Variants in URB2 observed in about 807,000 individuals in gnomAD.
URB2 encodes the protein URB2 ribosome biogenesis homolog, also known as unhealthy ribosome biogenesis protein 2 homolog.
Under a neutral mutation model 120.9 loss-of-function variants are expected in URB2, and 86 were observed. The observed-to-expected ratio is 0.71, with a 90% confidence interval of 0.60 to 0.85. The LOEUF is 0.85. Ranked by LOEUF, URB2 falls within the 40% of genes least tolerant of loss-of-function variation. URB2 has a pLI of 0.00. For synonymous variants in URB2, 755 were observed against 758.4 expected (o/e 1.00, Z 0.07); for missense variants, 1,765 against 1,836.5 (o/e 0.96, Z 0.71).
rs769561111 is a variant in URB2 at position 229,647,630 on chromosome 1, G to A, written c.4027G>A (p.Val1343Ile). Residue 1343 changes from valine (V) to isoleucine (I), a missense_variant, in exon 7 of 10, where the codon GTC (valine) becomes ATC (isoleucine). Transcript: ENST00000258243. ...GGAGGCCATCGGCAACCCCCACCAC[G>A]TCAGCCTGGCCTTCAGCATCCTTCT... The part of the protein sequence containing the change: ...GEEAIGNPHH[V>I]SLAFSILLTV... 23 of 1,614,124 alleles carry A rather than the reference G, an allele frequency of 1.4e-5. No homozygotes were observed. Among genetic ancestry groups the A allele is most frequent in the East Asian group, 4.5e-5 (2 of 44,874 alleles).
intron 2 of URB2, 117 bp downstream of exon 2, chr1:229,627,876 CTT>C (rs1665551818): frequency 1.0e-5 from 13 of 1,268,300 alleles, no homozygotes; most frequent in Non-Finnish European, 1.4e-5. Flanking sequence ...GGGGAGGGAA[CTT>C]TGTTGGAAGT....
intron 9 of URB2, among the ~76,000 whole-genome samples, chr1:229,658,122 C>T (rs1216242113): frequency 6.6e-6 from 1 of 152,148 alleles, no homozygotes; most frequent in African/African-American, 2.4e-5. Context: ...TTATATTGTG[C>T]AGCCATCACC....
rs768547537 is a variant in URB2, at chr1:229,659,645, TA to T, written c.*352del. On this transcript the variant is annotated 3_prime_UTR_variant, in exon 10 of 10. Coordinates refer to ENST00000258243, the MANE Select transcript of URB2 (RefSeq NM_014777.4). The stretch of plus-strand genomic sequence containing the variant: ...TCCCTCGTCTGCACTGGAAACTACA[TA>T]AAACTTGGCTTTTTACTTTGGGTAC... 4.4e-5 allele frequency: 8 copies of T among 180,956 alleles called. No homozygotes were observed. Among genetic ancestry groups the T allele is most frequent in the Non-Finnish European group, 8.1e-5 (7 of 86,300 alleles). The allele number at this position is 180,956 out of a possible 1,614,324, so 11.2% of individuals were successfully genotyped here. A position where few individuals can be genotyped will look rare whatever the true frequency, so the allele number is the denominator to read the frequency against.
In URB2 at chr1:229,635,498, T is replaced by C. The variant is rs143722858; in HGVS notation, c.885T>C (p.Leu295=). The change falls in exon 4 of 10, where the codon CTT becomes CTC. Residue 295 remains leucine (L), a synonymous_variant. Coordinates refer to ENST00000258243, the MANE Select transcript of URB2 (RefSeq NM_014777.4). Reference sequence around the variant, plus strand: ...ATGCTGGCTACTGTGCAGCATCCCTTCATACCTCTGTTGTGGCCAACTCAG... The same window carrying C: ...ATGCTGGCTACTGTGCAGCATCCCTCCATACCTCTGTTGTGGCCAACTCAG... ...LVDAGYCAAS[L]HTSVVANSVA... is the part of the protein sequence containing the mutation. The C allele has an allele frequency of 1.1e-5, 17 of 1,613,902 alleles. No individual in the cohort carries two copies. In the African/African-American group the frequency reaches 2.0e-4, roughly 19 times the overall value.
In URB2 at chr1:229,627,701, T is replaced by C; in HGVS notation, c.68T>C (p.Leu23Pro). 2 of 1,613,522 alleles carry C rather than the reference T, an allele frequency of 1.2e-6. No individual in the cohort carries two copies. Among genetic ancestry groups the C allele is most frequent in the Non-Finnish European group, 1.7e-6 (2 of 1,179,674 alleles). Residue 23 changes from leucine to proline, a missense_variant, in exon 2 of 10, where the codon CTA (leucine) becomes CCA (proline). Coordinates refer to ENST00000258243, the MANE Select transcript of URB2 (RefSeq NM_014777.4). ...AAGACAACTTCCTGGGAAGATAAAC[T>C]AAAACTAGCTCACTTTGCTTGGATT... ...KSKTTSWEDK[L>P]KLAHFAWISH...
Position 229,647,638 on chromosome 1 carries a change from G to A in URB2, c.4035G>A (p.Leu1345=). Residue 1345 remains leucine (L), a synonymous_variant, in exon 7 of 10, where the codon CTG becomes CTA. Transcript: ENST00000258243. The stretch of plus-strand genomic sequence containing the variant: ...TCGGCAACCCCCACCACGTCAGCCT[G>A]GCCTTCAGCATCCTTCTCACTGTCC... ...EAIGNPHHVS[L]AFSILLTVPL... The A allele has an allele frequency of 6.2e-7, 1 of 1,614,152 alleles. No homozygotes were observed. The highest frequency in any genetic ancestry group is 8.5e-7 in the Non-Finnish European group (1 of 1,180,032).
intron 8 of URB2, 126 bp from the exon 9 acceptor site, chr1:229,654,123 A>G: frequency 4.3e-6 from 6 of 1,391,876 alleles, no homozygotes. Flanking sequence ...AAATAAGCCA[A>G]TTAAAGAGTC....
chr1:229,637,614 A>T lies in URB2; in HGVS notation c.3001A>T (p.Ile1001Leu). Residue 1001 changes from isoleucine to leucine, a missense_variant, in exon 4 of 10, where the codon ATA becomes TTA. By Grantham distance (5) the Ile-to-Leu change is conservative (BLOSUM62 2). Coordinates refer to ENST00000258243, the MANE Select transcript of URB2 (RefSeq NM_014777.4). ...CGCTTGGCTGGAATTCCTCCAAGTGATAGGGACGTTCTTAGAGGAGCTAAT... is the reference window on the plus strand; with the variant it reads ...CGCTTGGCTGGAATTCCTCCAAGTGTTAGGGACGTTCTTAGAGGAGCTAAT... ...DPAWLEFLQVIGTFLEELMQM... is the reference protein window; with the variant it reads ...DPAWLEFLQVLGTFLEELMQM... 7 of 1,614,158 alleles carry T rather than the reference A, an allele frequency of 4.3e-6. No individual in the cohort carries two copies. The highest frequency in any genetic ancestry group is 5.1e-6 in the Non-Finnish European group (6 of 1,180,004).
At chr1:229,631,669 G>C (rs1233367854) in intron 2 of URB2, among the ~76,000 whole-genome samples, 6 of 152,212 alleles carry the variant, frequency 3.9e-5, no homozygotes, top group Non-Finnish European at 8.8e-5. Flanking sequence ...TAGCATTTTG[G>C]TGGAGCAGTC....
At chr1:229,647,430 A>G in intron 6 of URB2, 80 bp from the exon 7 acceptor site, 2 of 1,511,310 alleles carry the variant, frequency 1.3e-6, no homozygotes, top group Non-Finnish European at 1.8e-6. Flanking sequence ...TTTCTACCTC[A>G]GTCACTCAGA....
chr1:229,631,996 C>T (rs961471222), intron 2 of URB2, among the ~76,000 whole-genome samples: 4 of 152,138 alleles, frequency 2.6e-5, no homozygotes, highest in Admixed American at 6.6e-5. Flanking sequence ...CCTCAAAAAA[C>T]GGGTTAAGAC....
chr1:229,626,792 A>G (rs946045358), intron 1 of URB2, among the ~76,000 whole-genome samples: 1 of 152,202 alleles, frequency 6.6e-6, no homozygotes, highest in Non-Finnish European at 1.5e-5. Flanking sequence ...TGGCGGTTCT[A>G]TGGTATTGAA....
At position 229,635,213 on chromosome 1, in the gene URB2, C is replaced by G. The variant is rs769482838; in HGVS notation, c.600C>G (p.His200Gln). The change falls in exon 4 of 10, where the codon CAC (histidine) becomes CAG (glutamine). Residue 200 changes from histidine (H) to glutamine (Q), a missense_variant. By Grantham distance (24) the His-to-Gln change is conservative (BLOSUM62 0). Coordinates refer to ENST00000258243, the MANE Select transcript of URB2 (RefSeq NM_014777.4). ...GTGCCTTTGGGGATGTGACTGCTCA[C>G]CTGCTCCAGCCGTGCCTGGTCCTGA... ...PRRAFGDVTA[H>Q]LLQPCLVLRH... The G allele has an allele frequency of 1.5e-5, 25 of 1,614,150 alleles. No homozygotes were observed. Among genetic ancestry groups the G allele is most frequent in the Non-Finnish European group, 5.1e-6 (6 of 1,180,066 alleles).
At chr1:229,652,020 A>G (rs1398008603) in intron 8 of URB2, among the ~76,000 whole-genome samples, 1 of 152,054 alleles carries the variant, frequency 6.6e-6, no homozygotes. Flanking sequence ...TGTCTCTACT[A>G]AAAATACAAA....
intron 4 of URB2, among the ~76,000 whole-genome samples, chr1:229,643,076 T>A (rs903892801): frequency 6.6e-6 from 1 of 152,198 alleles, no homozygotes; most frequent in Non-Finnish European, 1.5e-5. Context: ...ATTCATTAAG[T>A]GAAGTAGGTT....
rs896207550 is a variant in URB2, at chr1:229,637,180, T to C, written c.2567T>C (p.Phe856Ser). The change falls in exon 4 of 10, where the codon TTT (phenylalanine) becomes TCT (serine). Residue 856 changes from phenylalanine to serine, a missense_variant. Coordinates refer to ENST00000258243, the MANE Select transcript of URB2 (RefSeq NM_014777.4). ...GTTGTGGGTCATTGGGAAAACAGATTTGCAAAAGCTGGACCCGAAGGTATA... is the reference window on the plus strand; with the variant it reads ...GTTGTGGGTCATTGGGAAAACAGATCTGCAAAAGCTGGACCCGAAGGTATA... ...HMVVGHWENR[F>S]AKAGPEGIEP... The C allele has an allele frequency of 3.7e-6, 6 of 1,613,852 alleles. No individual in the cohort carries two copies. The highest frequency in any genetic ancestry group is 1.1e-5 in the South Asian group (1 of 91,052).
In URB2 at chr1:229,634,971, T is replaced by A. The variant is rs1488643805; in HGVS notation, c.358T>A (p.Cys120Ser). Residue 120 changes from cysteine (C) to serine (S), a missense_variant, in exon 4 of 10, where the codon TGT becomes AGT. Transcript: ENST00000258243. ...TCTTTCGGGATCCCAAAGAAACATCTGTGCTGTCCTTCGATGTTGCCAGGG... is the reference window on the plus strand; with the variant it reads ...TCTTTCGGGATCCCAAAGAAACATCAGTGCTGTCCTTCGATGTTGCCAGGG... ...FSLSGSQRNI[C>S]AVLRCCQGIL... The A allele has an allele frequency of 1.3e-6, 2 of 1,576,722 alleles. No homozygotes were observed. The highest frequency in any genetic ancestry group is 1.7e-6 in the Non-Finnish European group (2 of 1,160,366).
At position 229,647,732 on chromosome 1, in the gene URB2, A is replaced by G; in HGVS notation, c.4129A>G (p.Ile1377Val). ...FPRLHNVLFS[I>V]LQCHPKVMLK... ...GAGGCTGCACAACGTGCTCTTCTCA[A>G]TCCTGCAGTGTCACCCTAAGGTGAG... is the stretch of plus-strand genomic sequence containing the variant. The change falls in exon 7 of 10, where the codon ATC (isoleucine) becomes GTC (valine). Residue 1377 changes from isoleucine to valine, a missense_variant. Physicochemically the swap from Ile to Val is conservative, Grantham distance 29. Transcript: ENST00000258243. 1.2e-6 allele frequency: 2 copies of G among 1,613,922 alleles called. No individual in the cohort carries two copies. Among genetic ancestry groups the G allele is most frequent in the African/African-American group, 1.3e-5 (1 of 75,054 alleles).
At position 229,636,945 on chromosome 1, in the gene URB2, G is replaced by A; in HGVS notation, c.2332G>A (p.Val778Ile). ...RTLPMGKAQEVSIDEEAYITL... is the reference protein window; with the variant it reads ...RTLPMGKAQEISIDEEAYITL... ...TTTACCCATGGGCAAAGCCCAGGAA[G>A]TCTCAATAGATGAAGAGGCATACAT... is the stretch of plus-strand genomic sequence containing the variant. The change falls in exon 4 of 10, where the codon GTC (valine) becomes ATC (isoleucine). Residue 778 changes from valine to isoleucine, a missense_variant. Physicochemically the swap from Val to Ile is conservative, Grantham distance 29 (BLOSUM62 3). Coordinates refer to ENST00000258243, the MANE Select transcript of URB2 (RefSeq NM_014777.4). 1 of 1,614,018 alleles carries A rather than the reference G, an allele frequency of 6.2e-7. No individual in the cohort carries two copies. Among genetic ancestry groups the A allele is most frequent in the Non-Finnish European group, 8.5e-7 (1 of 1,179,962 alleles).
Sources: allele counts gnomAD v4.1 joint callset (sites outside exome capture counted in the v4.1 genomes callset), GRCh38; gene constraint gnomAD v4.1.1; transcripts MANE v1.5; gene names NCBI Gene and HGNC (gene_info 2026-07-23, HGNC 2026-07-21).